Variants in SLC3A2 observed in about 807,000 individuals in gnomAD.
SLC3A2 encodes amino acid transporter heavy chain SLC3A2.
A neutral mutation model predicts 48.5 loss-of-function variants in SLC3A2; 32 were observed. That is an observed-to-expected ratio of 0.66 (90% CI 0.50 to 0.89). SLC3A2 has a LOEUF of 0.89. Among genes scored for constraint, SLC3A2 ranks in the 40% least tolerant of loss-of-function variants. The probability of loss-of-function intolerance (pLI) is 0.00; values close to 1 mark genes in which losing one functional copy is unlikely to be tolerated. For synonymous variants in SLC3A2, 277 were observed against 288.8 expected, an observed-to-expected ratio of 0.96 and a Z score of 0.41; for missense variants, 587 against 680.7, an observed-to-expected ratio of 0.86 and a Z score of 1.53.
upstream of SLC3A2, chr11:62,880,814 C>T: frequency 9.4e-7 from 1 of 1,061,050 alleles, no homozygotes. Flanking sequence ...ACGGCTGGGG[C>T]AGTCCCCGAG....
In SLC3A2 at chr11:62,881,030, C is replaced by T; in HGVS notation, c.7C>T (p.Gln3Ter). The stretch of plus-strand genomic sequence containing the variant: ...CGCCGGTTCTGCAGGCACCATGAGC[C>T]AGGACACCGAGGTGGATATGAAGGA... The part of the protein sequence containing the change: MS[Q>*]DTEVDMKEVE... The change falls in exon 1 of 9, where the codon CAG becomes TAG. Residue 3 changes from glutamine (Q) to a stop codon, truncating the protein, a stop_gained. Transcript: ENST00000338663. LOFTEE classifies it high-confidence loss of function. The surrounding 1 kb of genome is among the most constrained non-coding windows in gnomAD (Gnocchi z 4.0). 1.3e-6 allele frequency: 2 copies of T among 1,569,758 alleles called. No homozygotes were observed. Among genetic ancestry groups the T allele is most frequent in the East Asian group, 4.5e-5 (2 of 44,360 alleles).
At position 62,881,583 on chromosome 11, in the gene SLC3A2, A is replaced by G. The variant is rs1220691420; in HGVS notation, c.424+136A>G. On this transcript the variant is annotated intron_variant, in intron 1 of 8. Transcript: ENST00000338663. The surrounding 1 kb of genome is among the most constrained non-coding windows in gnomAD (Gnocchi z 4.0). The stretch of plus-strand genomic sequence containing the variant: ...ACCGACGACTGTTCCCCCTTCCCCC[A>G]CCCCCTCCCCGGCACATTGTCCTTC... 2.8e-5 allele frequency: 25 copies of G among 891,736 alleles called. No individual in the cohort carries two copies. Among genetic ancestry groups the G allele is most frequent in the Non-Finnish European group, 3.5e-5 (24 of 694,336 alleles). The allele number at this position is 891,736 out of a possible 1,614,324, so 55.2% of individuals were successfully genotyped here. A position where few individuals can be genotyped will look rare whatever the true frequency, so the allele number is the denominator to read the frequency against.
At chr11:62,874,798 C>T (rs2085554360) in intron 1 of SLC3A2, among the ~76,000 whole-genome samples, 1 of 147,658 alleles carries the variant, frequency 6.8e-6, no homozygotes. Context: ...GAGACAGAGT[C>T]TTGCTCTGTC....
chr11:62,867,449 C>T (rs966155970), intron 1 of SLC3A2, among the ~76,000 whole-genome samples: 1 of 151,364 alleles, frequency 6.6e-6, no homozygotes, highest in East Asian at 1.9e-4. Context: ...CTTCAGCCTC[C>T]CGAGTAGCTG....
At chr11:62,859,552 G>A (rs1234412750) in intron 1 of SLC3A2, among the ~76,000 whole-genome samples, 3 of 152,048 alleles carry the variant, frequency 2.0e-5, no homozygotes, top group African/African-American at 7.2e-5. Context: ...CGTGGTGTGG[G>A]TGCGGTGGCA....
chr11:62,884,704 C>G lies in SLC3A2; in HGVS notation c.818+14C>G. On this transcript the variant is annotated intron_variant, in intron 5 of 8. Coordinates refer to ENST00000338663, the MANE Select transcript of SLC3A2 (RefSeq NM_001013251.3). ...CAGTGAAGACAGGTGGGTGCAGGAG[C>G]CATTCTGCTGACTCAGCTCCAATGT... The G allele has an allele frequency of 6.3e-7, 1 of 1,580,642 alleles. No individual in the cohort carries two copies. The highest frequency in any genetic ancestry group is 8.6e-7 in the Non-Finnish European group (1 of 1,161,068).
chr11:62,877,766 T>C (rs1056731846), upstream of SLC3A2, among the ~76,000 whole-genome samples: 3 of 152,224 alleles, frequency 2.0e-5, no homozygotes, highest in Admixed American at 1.3e-4. Context: ...TGGCAGGTGT[T>C]TGAAGGCTGA....
intron 1 of SLC3A2, chr11:62,871,479 A>T: frequency 2.4e-6 from 1 of 423,552 alleles, no homozygotes; most frequent in East Asian, 4.3e-5. Context: ...ATCTCAGGTT[A>T]TCCGCCCGTC....
chr11:62,882,402 T>C (rs552676053), intron 2 of SLC3A2: 7 of 296,628 alleles, frequency 2.4e-5, no homozygotes, highest in South Asian at 1.2e-4. Context: ...CGACTCGATA[T>C]AGACACATGT....
Position 62,888,233 on chromosome 11 carries a change from T to C in SLC3A2, c.1227+15T>C. 1 of 1,613,728 alleles carries C rather than the reference T, an allele frequency of 6.2e-7. No individual in the cohort carries two copies. The highest frequency in any genetic ancestry group is 1.7e-5 in the Admixed American group (1 of 59,996). On this transcript the variant is annotated intron_variant, in intron 8 of 8. Transcript: ENST00000338663. ...TGACTGTGAAGGTAAGAGTTCTAGA[T>C]GGGTAGAAACTGACCGGTGGAGGGT...
chr11:62,861,848 A>G (rs2085401518), intron 1 of SLC3A2, among the ~76,000 whole-genome samples: 1 of 144,036 alleles, frequency 6.9e-6, no homozygotes, highest in African/African-American at 2.5e-5. Flanking sequence ...AAGGCGGAGG[A>G]TGCGGTGAGC....
chr11:62,868,799 C>A (rs137865844), intron 1 of SLC3A2, among the ~76,000 whole-genome samples: 2 of 152,208 alleles, frequency 1.3e-5, no homozygotes, highest in African/African-American at 4.8e-5. Context: ...GCCAATCTGA[C>A]GGACATGAAA....
intron 1 of SLC3A2, among the ~76,000 whole-genome samples, chr11:62,858,768 A>G (rs1193961853): frequency 6.6e-6 from 1 of 152,180 alleles, no homozygotes; most frequent in Non-Finnish European, 1.5e-5. Context: ...GTCAGCAGAC[A>G]AACACGTGAA....
At chr11:62,871,636 C>T (rs1184639750) in intron 1 of SLC3A2, 3 of 663,624 alleles carry the variant, frequency 4.5e-6, no homozygotes, top group Non-Finnish European at 8.3e-6. Context: ...AAGTGATCCT[C>T]CTGCCTTAGC....
At chr11:62,868,793 A>G (rs1008727938) in intron 1 of SLC3A2, among the ~76,000 whole-genome samples, 2 of 152,190 alleles carry the variant, frequency 1.3e-5, no homozygotes, top group Admixed American at 6.5e-5. Context: ...CATATTGCCA[A>G]TCTGACGGAC....
At position 62,885,222 on chromosome 11, in the gene SLC3A2, G is replaced by C. The variant is rs375700534; in HGVS notation, c.864G>C (p.Leu288=). 6.2e-7 allele frequency: 1 copy of C among 1,614,136 alleles called. No homozygotes were observed. Among genetic ancestry groups the C allele is most frequent in the East Asian group, 2.2e-5 (1 of 44,882 alleles). Residue 288 remains leucine (L), a synonymous_variant, in exon 6 of 9, where the codon CTG becomes CTC. Transcript: ENST00000338663. ...GTNSSDLQQI[L]SLLESNKDLL... ...ACTCCTCCGACCTTCAGCAGATCCT[G>C]AGCCTACTCGAATCCAACAAAGACT... is the stretch of plus-strand genomic sequence containing the variant.
intron 7 of SLC3A2, 87 bp downstream of exon 7, chr11:62,885,695 C>T: frequency 1.4e-6 from 2 of 1,463,002 alleles, no homozygotes; most frequent in East Asian, 2.3e-5. Flanking sequence ...TAGACGTGAG[C>T]CTTGGGGTGA....
chr11:62,856,213 C>G (rs990027354), exon 1 of SLC3A2: 11 of 1,412,418 alleles, frequency 7.8e-6, no homozygotes, highest in Admixed American at 1.8e-5. Flanking sequence ...CCCTCTAACC[C>G]TGTTCTGAGC....
intron 7 of SLC3A2, among the ~76,000 whole-genome samples, chr11:62,887,028 G>A (rs1300587152): frequency 6.6e-6 from 1 of 152,154 alleles, no homozygotes; most frequent in Non-Finnish European, 1.5e-5. Flanking sequence ...GCGAGCCACT[G>A]CACCCGGCCA....
Sources: gnomAD v4.1 joint callset for allele counts (sites outside exome capture counted in the v4.1 genomes callset) on GRCh38, gnomAD v4.1.1 for gene constraint, Gnocchi (gnomAD v3.1) non-coding constraint, MANE v1.5 for transcripts, NCBI Gene and HGNC (gene_info 2026-07-23, HGNC 2026-07-21) for gene names.